Variants in FGF13 observed in about 807,000 individuals in gnomAD.
FGF13 encodes the protein fibroblast growth factor 13, also known as fibroblast growth factor homologous factor 2.
A neutral mutation model predicts 19.5 loss-of-function variants in FGF13; 2 were observed. The observed-to-expected ratio is 0.10, with a 90% CI of 0.04 to 0.32. The LOEUF is 0.32. Among genes scored for constraint, FGF13 ranks in the 10% least tolerant of loss-of-function variants. FGF13 has a pLI of 1.00. For missense variants in FGF13, 113 were observed against 192.7 expected, an observed-to-expected ratio of 0.59 and a Z score of 2.45; for synonymous variants, 72 against 76.9, an observed-to-expected ratio of 0.94 and a Z score of 0.33.
intron 1 of FGF13, among the ~76,000 whole-genome samples, chrX:139,009,132 T>C (rs749404337): frequency 5.4e-5 from 6 of 111,780 alleles, no homozygotes; most frequent in Non-Finnish European, 1.1e-4. Context: ...TTTTAAAAAA[T>C]TAACAAAGCC....
chrX:139,170,951 C>T (rs1481312620), intron 1 of FGF13, among the ~76,000 whole-genome samples: 1 of 111,743 alleles, frequency 8.9e-6, no homozygotes, highest in Non-Finnish European at 1.9e-5. Flanking sequence ...CATGATTTCT[C>T]AACTATGTGA....
intron 3 of FGF13, among the ~76,000 whole-genome samples, chrX:138,689,366 A>G (rs1253796896): frequency 7.6e-5 from 8 of 105,925 alleles, no homozygotes; most frequent in Non-Finnish European, 5.8e-5. Flanking sequence ...TTGCAAAACA[A>G]CTTTCTCCAT....
At chrX:138,693,769 CT>C (rs1296895927) in intron 3 of FGF13, among the ~76,000 whole-genome samples, 1 of 111,505 alleles carries the variant, frequency 9.0e-6, no homozygotes, top group East Asian at 2.8e-4. Context: ...TGTGCCTATG[CT>C]TTTTGATTTT....
At chrX:138,764,467 AATGCCATCTATGTTTAC>A (rs914969812) in intron 3 of FGF13, among the ~76,000 whole-genome samples, 2 of 112,833 alleles carry the variant, frequency 1.8e-5, no homozygotes, top group Admixed American at 9.4e-5. Flanking sequence ...AATCTGGCCC[AATGCCATCTATGTTTAC>A]ACAGCAGCAA....
chrX:138,654,381 CAATT>C (rs1480464108), intron 3 of FGF13, among the ~76,000 whole-genome samples: 2 of 111,806 alleles, frequency 1.8e-5, no homozygotes, highest in Non-Finnish European at 3.8e-5. Context: ...GACTAACAAT[CAATT>C]AGTGTCTATA....
chrX:139,101,515 G>T (rs1250086204), intron 1 of FGF13, among the ~76,000 whole-genome samples: 2 of 112,002 alleles, frequency 1.8e-5, no homozygotes, highest in Admixed American at 1.9e-4. Context: ...ATATTCGACG[G>T]ATTGGGTATT....
intron 1 of FGF13, among the ~76,000 whole-genome samples, chrX:138,940,847 A>G (rs776195066): frequency 3.6e-5 from 4 of 111,270 alleles, no homozygotes; most frequent in African/African-American, 1.3e-4. Flanking sequence ...TGTAGTATAA[A>G]GTCGGGTAAC....
At chrX:139,195,352 A>G (rs1011825854) in intron 1 of FGF13, among the ~76,000 whole-genome samples, 1 of 112,300 alleles carries the variant, frequency 8.9e-6, no homozygotes, top group African/African-American at 3.2e-5. Flanking sequence ...GGGAGAGGCA[A>G]GCATACACAC....
At chrX:139,002,901 T>C (rs2092080068) in intron 1 of FGF13, among the ~76,000 whole-genome samples, 1 of 111,899 alleles carries the variant, frequency 8.9e-6, no homozygotes, top group Non-Finnish European at 1.9e-5. Context: ...CTATAGGCCT[T>C]GCGTGAGACT....
At chrX:138,827,958 C>T (rs1222958459) in intron 3 of FGF13, among the ~76,000 whole-genome samples, 2 of 111,446 alleles carry the variant, frequency 1.8e-5, no homozygotes, top group African/African-American at 6.5e-5. Flanking sequence ...GGTTAAAACC[C>T]GGGTTTGTTC....
At chrX:138,681,097 C>T (rs1053352958) in intron 3 of FGF13, among the ~76,000 whole-genome samples, 4 of 106,584 alleles carry the variant, frequency 3.8e-5, no homozygotes, top group Non-Finnish European at 7.7e-5. Context: ...TCTCTTGAAC[C>T]CGGGAGGCAG....
intron 1 of FGF13, among the ~76,000 whole-genome samples, chrX:139,161,295 C>A (rs1010843184): frequency 8.0e-5 from 9 of 111,820 alleles, no homozygotes; most frequent in African/African-American, 2.6e-4. Flanking sequence ...ATTCAACACT[C>A]CTTCATGCTA....
At chrX:139,089,842 T>A (rs1179301310) in intron 1 of FGF13, among the ~76,000 whole-genome samples, 2 of 111,420 alleles carry the variant, frequency 1.8e-5, no homozygotes, top group Non-Finnish European at 3.8e-5. Context: ...TTTGTGACCA[T>A]CATTATTATT....
intron 1 of FGF13, among the ~76,000 whole-genome samples, chrX:138,724,057 G>T (rs375458283): frequency 8.9e-6 from 1 of 111,845 alleles, no homozygotes; most frequent in East Asian, 2.8e-4. Context: ...AATCGTGTCC[G>T]ACTCCTTGCA....
intron 1 of FGF13, among the ~76,000 whole-genome samples, chrX:139,105,978 A>G (rs1230439528): frequency 2.7e-5 from 3 of 112,381 alleles, no homozygotes; most frequent in Non-Finnish European, 5.6e-5. Flanking sequence ...GTAAAAACAT[A>G]TGGTATGCTT....
At chrX:139,115,739 CTCAACAGCTT>C (rs1357889566) in intron 1 of FGF13, among the ~76,000 whole-genome samples, 1 of 112,742 alleles carries the variant, frequency 8.9e-6, no homozygotes, top group African/African-American at 3.2e-5. Flanking sequence ...TCATACATTT[CTCAACAGCTT>C]TCAATAATTG....
rs2089006905 is a variant in FGF13 at position 138,620,584 on chromosome X, C to G, written c.*12266G>C. On this transcript the variant is annotated 3_prime_UTR_variant, in exon 5 of 5. Transcript: ENST00000315930. ...AGGAAGAAAGAAACAAAAAAACTTA[C>G]AAAACAGCTGAAAAACATTTAACAA... is the stretch of plus-strand genomic sequence containing the variant. 1.8e-5 allele frequency: 2 copies of G among 111,307 alleles called. No individual in the cohort carries two copies. Among genetic ancestry groups the G allele is most frequent in the South Asian group, 7.5e-4 (2 of 2,654 alleles). 9.2% of individuals were successfully genotyped at this position (111,307 alleles called of 1,213,427 possible).
chrX:138,839,744 T>C (rs893004182), intron 3 of FGF13, among the ~76,000 whole-genome samples: 1 of 111,615 alleles, frequency 9.0e-6, no homozygotes, highest in African/African-American at 3.3e-5. Flanking sequence ...GAATATAAAT[T>C]TAAGTTTAGT....
At chrX:138,713,478 C>T (rs1316754691), upstream of FGF13, among the ~76,000 whole-genome samples, 2 of 111,693 alleles carry the variant, frequency 1.8e-5, no homozygotes, top group African/African-American at 6.5e-5. Context: ...CATGTTTTTA[C>T]CTTCTGCCAA....
Sources: gnomAD v4.1 joint callset for allele counts (sites outside exome capture counted in the v4.1 genomes callset) on GRCh38, gnomAD v4.1.1 for gene constraint, MANE v1.5 for transcripts, NCBI Gene and HGNC (gene_info 2026-07-23, HGNC 2026-07-21) for gene names.